The following GRAMD2B variants were observed in gnomAD, a reference collection of about 807,000 sequenced individuals.
GRAMD2B encodes the protein GRAM domain-containing protein 2B.
GRAMD2B carries 41 observed loss-of-function variants against 59.2 expected under a neutral mutation model. That is an observed-to-expected ratio of 0.69 (90% CI 0.54 to 0.90). The LOEUF (loss-of-function observed/expected upper bound fraction) is 0.90, where lower values mean the gene tolerates loss of function less well. GRAMD2B is among the 40% of genes least tolerant of loss of function. The pLI is 0.00. For missense variants in GRAMD2B, 424 were observed against 500.5 expected (o/e 0.85, Z 1.46); for synonymous variants, 161 against 182.7 (o/e 0.88, Z 0.96).
chr5:126,459,532 C>T (rs952236506), intron 1 of GRAMD2B, among the ~76,000 whole-genome samples: 2 of 152,144 alleles, frequency 1.3e-5, no homozygotes, highest in Non-Finnish European at 2.9e-5. Context: ...ATCAACAACC[C>T]ATTAGATAAA....
chr5:126,393,463 G>A (rs567988657), intron 1 of GRAMD2B, among the ~76,000 whole-genome samples: 1 of 152,210 alleles, frequency 6.6e-6, no homozygotes, highest in South Asian at 2.1e-4. Flanking sequence ...TGCAACTTCA[G>A]CCCTTTGACA....
At chr5:126,459,801 T>G (rs1418716046) in intron 1 of GRAMD2B, among the ~76,000 whole-genome samples, 1 of 151,648 alleles carries the variant, frequency 6.6e-6, no homozygotes, top group Non-Finnish European at 1.5e-5. Context: ...GGCTAACACT[T>G]TATTAGTGAG....
intron 1 of GRAMD2B, among the ~76,000 whole-genome samples, chr5:126,401,505 G>T (rs1354063316): frequency 6.6e-6 from 1 of 151,858 alleles, no homozygotes; most frequent in Admixed American, 6.6e-5. Flanking sequence ...ATGTTTCCTT[G>T]ATTTTTTTTC....
At chr5:126,475,338 A>C (rs1250694581) in intron 5 of GRAMD2B, among the ~76,000 whole-genome samples, 2 of 152,208 alleles carry the variant, frequency 1.3e-5, no homozygotes, top group Non-Finnish European at 2.9e-5. Flanking sequence ...AGGGTGTTCC[A>C]TGCCTTAGAT....
chr5:126,364,783 G>A (rs1284068594), intron 1 of GRAMD2B, among the ~76,000 whole-genome samples: 1 of 152,162 alleles, frequency 6.6e-6, no homozygotes, highest in Non-Finnish European at 1.5e-5. Flanking sequence ...CTAGTTTCTA[G>A]ACTAATCTCA....
chr5:126,411,331 C>G (rs887307179), intron 1 of GRAMD2B, among the ~76,000 whole-genome samples: 1 of 151,936 alleles, frequency 6.6e-6, no homozygotes, highest in Non-Finnish European at 1.5e-5. Flanking sequence ...GGCTAGCTAG[C>G]TATCCCAGCA....
At chr5:126,463,759 C>T (rs1337116379) in intron 1 of GRAMD2B, among the ~76,000 whole-genome samples, 1 of 152,226 alleles carries the variant, frequency 6.6e-6, no homozygotes, top group Non-Finnish European at 1.5e-5. Flanking sequence ...TGGCTCACGC[C>T]TGTAATCCCA....
At chr5:126,430,413 G>A (rs1335971036) in intron 1 of GRAMD2B, among the ~76,000 whole-genome samples, 1 of 152,092 alleles carries the variant, frequency 6.6e-6, no homozygotes, top group African/African-American at 2.4e-5. Context: ...GTAATTCCAT[G>A]ACTCTTAGTA....
At chr5:126,362,703 A>C in intron 1 of GRAMD2B, among the ~76,000 whole-genome samples, 1 of 152,232 alleles carries the variant, frequency 6.6e-6, no homozygotes, top group East Asian at 1.9e-4. Context: ...ATGGTTAATT[A>C]ATTTTCAACA....
intron 5 of GRAMD2B, among the ~76,000 whole-genome samples, chr5:126,477,305 T>C (rs1393323561): frequency 6.6e-6 from 1 of 152,232 alleles, no homozygotes; most frequent in Non-Finnish European, 1.5e-5. Flanking sequence ...AACATGCACC[T>C]AGAGACAGAG....
chr5:126,416,770 A>T (rs999495349), intron 1 of GRAMD2B, among the ~76,000 whole-genome samples: 1 of 152,176 alleles, frequency 6.6e-6, no homozygotes, highest in East Asian at 1.9e-4. Context: ...CTGCAACCAG[A>T]TCTTCACATT....
chr5:126,483,597 G>A (rs376923747), intron 9 of GRAMD2B, 23 bp downstream of exon 9: 2 of 1,367,344 alleles, frequency 1.5e-6, no homozygotes, highest in Non-Finnish European at 2.1e-6. Context: ...GTTGTATTTT[G>A]ACTAAAATTT....
chr5:126,473,534 C>T (rs977823858), intron 5 of GRAMD2B, among the ~76,000 whole-genome samples, 166 bp downstream of exon 5: 1 of 152,010 alleles, frequency 6.6e-6, no homozygotes, highest in Non-Finnish European at 1.5e-5. Context: ...TAAATGCCTC[C>T]AGAAGACACT....
chr5:126,436,704 A>G (rs942838613), intron 1 of GRAMD2B, among the ~76,000 whole-genome samples: 1 of 152,206 alleles, frequency 6.6e-6, no homozygotes, highest in Non-Finnish European at 1.5e-5. Context: ...ATGTCTTACT[A>G]TGACATTAAC....
intron 12 of GRAMD2B, 55 bp from the exon 13 acceptor site, chr5:126,488,744 C>A: frequency 1.6e-6 from 2 of 1,218,714 alleles, no homozygotes; most frequent in South Asian, 1.3e-5. Context: ...TGTGTTCATT[C>A]CACTTCTTTC....
chr5:126,467,430 T>C (rs1768660051), intron 2 of GRAMD2B: 1 of 152,110 alleles, frequency 6.6e-6, no homozygotes, highest in African/African-American at 2.4e-5. Flanking sequence ...CCATATTGTA[T>C]ACATACATAC....
chr5:126,493,142 A>G lies in GRAMD2B; in HGVS notation c.*186A>G, dbSNP rs1774233014. The G allele has an allele frequency of 1.7e-6, 1 of 580,298 alleles. No individual in the cohort carries two copies. The highest frequency in any genetic ancestry group is 3.1e-6 in the Non-Finnish European group (1 of 319,006). 35.9% of individuals were successfully genotyped at this position (580,298 alleles called of 1,614,324 possible). ...GAAATAATTTTGGTTCTTGTGCAAT[A>G]AAAGTTGACCTTGACTCTCTGAGGA... On this transcript the variant is annotated 3_prime_UTR_variant, in exon 14 of 14. Coordinates refer to ENST00000285689, the MANE Select transcript of GRAMD2B (RefSeq NM_023927.4).
chr5:126,443,823 G>A (rs192707725), intron 1 of GRAMD2B, among the ~76,000 whole-genome samples: 130 of 152,338 alleles, frequency 8.5e-4, no homozygotes, highest in Non-Finnish European at 8.1e-4. Context: ...GCTGAGGCAG[G>A]TGGATCGCCT....
At position 126,481,209 on chromosome 5, in the gene GRAMD2B, AAGAAAGAAAGAAAG is replaced by A. The variant is rs1561598687; in HGVS notation, c.735+504_735+517del. ...TTAACTGTAAAAAAAAAAAAAAAGA[AAGAAAGAAAGAAAG>A]AAAGAAAGAAAGAAAGAAAGAAAGA... On this transcript the variant is annotated intron_variant, in intron 8 of 13. Transcript: ENST00000285689. 8.7e-3 allele frequency among the ~76,000 whole-genome samples: 572 copies of A among 65,912 alleles called. 11 individuals are homozygous for A. Among genetic ancestry groups the A allele is most frequent in the African/African-American group, 0.026 (502 of 19,580 alleles). 43.2% of individuals were successfully genotyped at this position (65,912 alleles called of 152,430 possible). A position where few individuals can be genotyped will look rare whatever the true frequency, so the allele number is the denominator to read the frequency against.
Sources: gnomAD v4.1 joint callset for allele counts (sites outside exome capture counted in the v4.1 genomes callset) on GRCh38, gnomAD v4.1.1 for gene constraint, MANE v1.5 for transcripts, NCBI Gene and HGNC (gene_info 2026-07-23, HGNC 2026-07-21) for gene names.